GRAMD1C: variants seen among roughly 807,000 people sequenced by gnomAD.
GRAMD1C encodes GRAM domain containing 1C, also known as protein Aster-C.
GRAMD1C carries 89 observed loss-of-function variants against 97.8 expected under a neutral mutation model. The observed-to-expected ratio is 0.91, with a 90% CI of 0.77 to 1.09. The LOEUF is 1.09. Among genes scored for constraint, GRAMD1C ranks in the 50% least tolerant of loss-of-function variants. The pLI is 0.00. For synonymous variants in GRAMD1C, 256 were observed against 267.0 expected (o/e 0.96, Z 0.40); for missense variants, 740 against 766.4 (o/e 0.97, Z 0.41).
chr3:113,933,468 A>G, intron 11 of GRAMD1C, 43 bp from the exon 12 acceptor site: 2 of 1,401,638 alleles, frequency 1.4e-6, no homozygotes, highest in Non-Finnish European at 2.0e-6. Flanking sequence ...AGATTCATAT[A>G]TTAAGCATAT....
chr3:113,880,349 A>G (rs976967919), intron 5 of GRAMD1C, among the ~76,000 whole-genome samples: 1 of 152,122 alleles, frequency 6.6e-6, no homozygotes, highest in African/African-American at 2.4e-5. Flanking sequence ...GCATATATAA[A>G]TGTATAGTTT....
At chr3:113,860,063 C>A (rs1193926546) in intron 2 of GRAMD1C, among the ~76,000 whole-genome samples, 1 of 152,094 alleles carries the variant, frequency 6.6e-6, no homozygotes, top group East Asian at 1.9e-4. Context: ...GCTCTGTCAC[C>A]CAGGCTGGAG....
At chr3:113,864,728 T>A (rs1407080397) in intron 2 of GRAMD1C, among the ~76,000 whole-genome samples, 3 of 152,174 alleles carry the variant, frequency 2.0e-5, no homozygotes, top group Non-Finnish European at 4.4e-5. Flanking sequence ...CACAACCACT[T>A]AAGTAATCTC....
intron 2 of GRAMD1C, among the ~76,000 whole-genome samples, chr3:113,866,109 A>G (rs1317197260): frequency 6.6e-6 from 1 of 152,112 alleles, no homozygotes; most frequent in Non-Finnish European, 1.5e-5. Flanking sequence ...TTGGTGGAAA[A>G]TGTTCAAGTC....
At chr3:113,856,517 A>G (rs1934133561) in intron 2 of GRAMD1C, among the ~76,000 whole-genome samples, 1 of 137,708 alleles carries the variant, frequency 7.3e-6, no homozygotes, top group Admixed American at 7.5e-5. Flanking sequence ...AGATTTATTT[A>G]TTTCTTTATG....
chr3:113,837,694 C>G (rs535416193), upstream of GRAMD1C, among the ~76,000 whole-genome samples: 1 of 152,070 alleles, frequency 6.6e-6, no homozygotes, highest in South Asian at 2.1e-4. Context: ...CGAGACCAGT[C>G]TGGGCAACAT....
chr3:113,933,782 G>C (rs915001230), intron 12 of GRAMD1C, 129 bp downstream of exon 12: 4 of 657,578 alleles, frequency 6.1e-6, no homozygotes, highest in Non-Finnish European at 1.0e-5. Context: ...TCCAACAGGG[G>C]TGAGCAGAGG....
chr3:113,832,039 G>GTGTTTTTTTTTTTTTTTTTTT (rs1553713219), intron 1 of GRAMD1C, among the ~76,000 whole-genome samples: 3 of 149,418 alleles, frequency 2.0e-5, no homozygotes, highest in African/African-American at 7.6e-5. Context: ...CAGCAACTTT[G>GTGTTTTTTTTTTTTTTTTTTT]TTTTTTTTGA....
intron 2 of GRAMD1C, among the ~76,000 whole-genome samples, chr3:113,853,697 C>T (rs549585744): frequency 1.3e-5 from 2 of 152,220 alleles, no homozygotes; most frequent in South Asian, 2.1e-4. Flanking sequence ...GAATGGGAGC[C>T]GGACAGCATA....
intron 17 of GRAMD1C, among the ~76,000 whole-genome samples, chr3:113,941,352 G>GTC (rs1166612661): frequency 6.6e-6 from 1 of 152,074 alleles, no homozygotes; most frequent in African/African-American, 2.4e-5. Context: ...TTTTTCTTGA[G>GTC]TCATATAGTT....
chr3:113,924,158 G>C (rs1937157253), intron 10 of GRAMD1C, among the ~76,000 whole-genome samples: 1 of 137,932 alleles, frequency 7.2e-6, no homozygotes, highest in Admixed American at 7.5e-5. Flanking sequence ...GTGTTTATTT[G>C]GATCTTCTCT....
At chr3:113,831,004 G>C (rs561837934) in intron 1 of GRAMD1C, among the ~76,000 whole-genome samples, 1 of 152,280 alleles carries the variant, frequency 6.6e-6, no homozygotes, top group South Asian at 2.1e-4. Context: ...CAGGAGAATT[G>C]CTTGAACCCA....
At chr3:113,870,253 C>T (rs929553620) in intron 3 of GRAMD1C, among the ~76,000 whole-genome samples, 4 of 151,746 alleles carry the variant, frequency 2.6e-5, no homozygotes, top group Non-Finnish European at 5.9e-5. Context: ...GTCCCAGCTG[C>T]TCAAGAGGCT....
intron 1 of GRAMD1C, among the ~76,000 whole-genome samples, chr3:113,829,289 T>A (rs79272837): frequency 0.048 from 7,273 of 151,764 alleles, 184 homozygotes; most frequent in East Asian, 0.057. Flanking sequence ...CAAACAAAAC[T>A]CCCCAAAACC....
chr3:113,920,377 T>C (rs1285604465), intron 10 of GRAMD1C, among the ~76,000 whole-genome samples: 6 of 152,194 alleles, frequency 3.9e-5, no homozygotes, highest in Non-Finnish European at 7.4e-5. Flanking sequence ...ATGTTCTCCA[T>C]GTATATACAT....
chr3:113,855,137 C>A (rs573362546), intron 2 of GRAMD1C, among the ~76,000 whole-genome samples: 40 of 152,056 alleles, frequency 2.6e-4, no homozygotes, highest in Admixed American at 5.2e-4. Flanking sequence ...CATGGAGAAA[C>A]CCTGTCTCTA....
chr3:113,920,032 C>T (rs1183710711), intron 10 of GRAMD1C: 4 of 849,632 alleles, frequency 4.7e-6, no homozygotes, highest in Non-Finnish European at 5.7e-6. Flanking sequence ...CAGTAAGGTA[C>T]TTTTTGAATT....
At chr3:113,906,617 C>G (rs558779230) in intron 8 of GRAMD1C, among the ~76,000 whole-genome samples, 1 of 151,906 alleles carries the variant, frequency 6.6e-6, no homozygotes, top group Non-Finnish European at 1.5e-5. Flanking sequence ...AAAAATGTTA[C>G]AGTAAGCTAA....
At chr3:113,845,444 C>T (rs981791669) in intron 2 of GRAMD1C, among the ~76,000 whole-genome samples, 7 of 152,096 alleles carry the variant, frequency 4.6e-5, no homozygotes, top group Non-Finnish European at 8.8e-5. Context: ...GTAATCCCAG[C>T]GTTTTGGGAG....
Sources: allele counts gnomAD v4.1 joint callset (sites outside exome capture counted in the v4.1 genomes callset), GRCh38; gene constraint gnomAD v4.1.1; transcripts MANE v1.5; gene names NCBI Gene and HGNC (gene_info 2026-07-23, HGNC 2026-07-21).